The following PRAMEF20 variants were observed in gnomAD, a reference collection of about 807,000 sequenced individuals.
PRAMEF20 encodes PRAME family member 20.
In PRAMEF20, 27 loss-of-function variants were observed where a neutral mutation model predicts 32.4. The ratio of observed to expected loss-of-function variants is 0.83; its 90% CI spans 0.61 to 1.15. The LOEUF is 1.15. Ranked by LOEUF, PRAMEF20 falls within the 50% of genes most tolerant of loss-of-function variation. The probability of loss-of-function intolerance (pLI) is 0.00; values close to 1 mark genes in which losing one functional copy is unlikely to be tolerated. For missense variants in PRAMEF20, 604 were observed against 584.5 expected (o/e 1.03, Z -0.34); for synonymous variants, 256 against 235.4 (o/e 1.09, Z -0.80).
At chr1:13,421,217 A>T in exon 3 of PRAMEF20, 1 of 1,613,964 alleles carries the variant, frequency 6.2e-7, no homozygotes, top group Non-Finnish European at 8.5e-7. Flanking sequence ...GTGTGGCAAC[A>T]GGTCACTTTA....
intron 1 of PRAMEF20, 80 bp from the exon 3 acceptor site, chr1:13,418,042 G>A: frequency 6.2e-7 from 1 of 1,607,886 alleles, no homozygotes; most frequent in Non-Finnish European, 8.5e-7. Flanking sequence ...CCAAAGTGCT[G>A]GGATTACAAG....
intron 1 of PRAMEF20, among the ~76,000 whole-genome samples, chr1:13,417,910 T>TTG (rs71272484): frequency 0.14 from 16,934 of 123,944 alleles, 1,258 homozygotes; most frequent in Non-Finnish European, 0.16. Flanking sequence ...CCCGGCTAAT[T>TTG]TGTGTGTGTG....
chr1:13,412,298 G>A (rs895899151), upstream of PRAMEF20, among the ~76,000 whole-genome samples: 2 of 151,920 alleles, frequency 1.3e-5, no homozygotes, highest in African/African-American at 2.4e-5. Flanking sequence ...GACTGCAGGC[G>A]TGAGCCACCA....
chr1:13,415,234 C>G (rs891533773), upstream of PRAMEF20, among the ~76,000 whole-genome samples: 1 of 152,094 alleles, frequency 6.6e-6, no homozygotes, highest in Admixed American at 6.6e-5. Context: ...TGTGTACCAC[C>G]ATGCCCAGCT....
chr1:13,417,163 G>A (rs546599419), intron 1 of PRAMEF20, among the ~76,000 whole-genome samples: 1 of 152,152 alleles, frequency 6.6e-6, no homozygotes, highest in African/African-American at 2.4e-5. Flanking sequence ...CAGCGTGGAA[G>A]GGGACCTGAG....
chr1:13,418,284 C>G (rs1641204779), exon 2 of PRAMEF20: 3 of 1,613,856 alleles, frequency 1.9e-6, no homozygotes, highest in Non-Finnish European at 2.5e-6. Flanking sequence ...TGACTGTGTT[C>G]ATAGACCTTT....
chr1:13,415,986 T>G (rs1281731916), upstream of PRAMEF20, among the ~76,000 whole-genome samples: 1 of 152,208 alleles, frequency 6.6e-6, no homozygotes, highest in African/African-American at 2.4e-5. Context: ...CATGTAGGCT[T>G]TTGACACTCC....
upstream of PRAMEF20, among the ~76,000 whole-genome samples, chr1:13,411,951 T>C (rs1185744565): frequency 1.3e-5 from 2 of 152,298 alleles, no homozygotes; most frequent in Non-Finnish European, 2.9e-5. Flanking sequence ...AGAGACTTTT[T>C]CTCTGGTGTC....
chr1:13,417,212 C>T (rs899173941), intron 1 of PRAMEF20, among the ~76,000 whole-genome samples: 3 of 152,072 alleles, frequency 2.0e-5, no homozygotes, highest in African/African-American at 7.2e-5. Context: ...AGCTTTTATT[C>T]CCTTATGGTC....
upstream of PRAMEF20, among the ~76,000 whole-genome samples, chr1:13,413,760 G>A (rs1641135333): frequency 1.3e-5 from 2 of 152,052 alleles, no homozygotes; most frequent in Admixed American, 1.3e-4. Context: ...TGGAGTTACT[G>A]CTTGGTACTG....
intron 2 of PRAMEF20, among the ~76,000 whole-genome samples, chr1:13,419,825 CTG>C (rs1426647122): frequency 6.6e-6 from 1 of 151,396 alleles, no homozygotes; most frequent in African/African-American, 2.4e-5. Context: ...ATTATGAGCT[CTG>C]TGCCCCACAG....
intron 2 of PRAMEF20, among the ~76,000 whole-genome samples, chr1:13,420,361 C>A (rs1002571646): frequency 6.6e-6 from 1 of 152,116 alleles, no homozygotes; most frequent in Non-Finnish European, 1.5e-5. Context: ...CAGGCGCCCA[C>A]CACCATGCCC....
rs1221885286 is a variant in PRAMEF20 at position 13,420,737 on chromosome 1, T to C, written c.907T>C (p.Cys303Arg). The C allele has an allele frequency of 5.8e-5, 94 of 1,613,886 alleles. 3 individuals carry two copies. In the South Asian group the frequency reaches 9.1e-4, roughly 16 times the overall value. The change falls in exon 3 of 3, where the codon TGT becomes CGT. Residue 303 changes from cysteine (C) to arginine (R), a missense_variant. Coordinates refer to ENST00000602960, the Ensembl canonical transcript of PRAMEF20. ...GTTAAACATCCTCGCAATAACTAAC[T>C]GTGTGCTTTTGGAATCAGACTTGAA...
At chr1:13,414,798 T>C (rs1641148664), upstream of PRAMEF20, among the ~76,000 whole-genome samples, 1 of 151,558 alleles carries the variant, frequency 6.6e-6, no homozygotes, top group African/African-American at 2.4e-5. Flanking sequence ...TTCTATGTAA[T>C]ATATATATAT....
At chr1:13,417,610 A>T (rs1641190701) in intron 1 of PRAMEF20, among the ~76,000 whole-genome samples, 1 of 151,856 alleles carries the variant, frequency 6.6e-6, no homozygotes, top group South Asian at 2.1e-4. Flanking sequence ...CTCAAAAAAA[A>T]AAAAGTGGAA....
upstream of PRAMEF20, among the ~76,000 whole-genome samples, chr1:13,411,433 GGAGA>G (rs1641113247): frequency 6.6e-6 from 1 of 151,090 alleles, no homozygotes; most frequent in Non-Finnish European, 1.5e-5. Flanking sequence ...CTTCAAAAAA[GGAGA>G]GAAAGAGTTT....
exon 3 of PRAMEF20, chr1:13,420,705 A>G: frequency 1.2e-6 from 2 of 1,613,886 alleles, no homozygotes; most frequent in Non-Finnish European, 1.7e-6. Flanking sequence ...AGCTGTCTAA[A>G]GACCTCGTTA....
upstream of PRAMEF20, among the ~76,000 whole-genome samples, chr1:13,413,173 T>C (rs1443534832): frequency 6.6e-6 from 1 of 151,438 alleles, no homozygotes; most frequent in Non-Finnish European, 1.5e-5. Flanking sequence ...GAAGGACATA[T>C]ATTAGTAAAA....
upstream of PRAMEF20, among the ~76,000 whole-genome samples, chr1:13,414,621 G>A (rs1641146135): frequency 6.6e-6 from 1 of 151,830 alleles, no homozygotes; most frequent in South Asian, 2.1e-4. Context: ...ACCACGCCCA[G>A]CTAATTTTTG....
Sources: gnomAD v4.1 joint callset for allele counts (sites outside exome capture counted in the v4.1 genomes callset) on GRCh38, gnomAD v4.1.1 for gene constraint, MANE v1.5 for transcripts, NCBI Gene and HGNC (gene_info 2026-07-23, HGNC 2026-07-21) for gene names.